CPEB4: variants seen among roughly 807,000 people sequenced by gnomAD.
The protein encoded by CPEB4 is cytoplasmic polyadenylation element-binding protein 4.
Under a neutral mutation model 72.5 loss-of-function variants are expected in CPEB4, and 12 were observed. That is an observed-to-expected ratio of 0.17 (90% confidence interval 0.11 to 0.27). CPEB4 has a LOEUF of 0.27. Ranked by LOEUF, CPEB4 falls within the 10% of genes least tolerant of loss-of-function variation. The pLI is 1.00. For synonymous variants in CPEB4, 302 were observed against 326.3 expected, an observed-to-expected ratio of 0.93 and a Z score of 0.80; for missense variants, 614 against 908.5, an observed-to-expected ratio of 0.68 and a Z score of 4.17.
intron 5 of CPEB4, among the ~76,000 whole-genome samples, chr5:173,945,373 A>G (rs1347037176): frequency 6.6e-6 from 1 of 152,242 alleles, no homozygotes; most frequent in Non-Finnish European, 1.5e-5. Context: ...AGGAGTAAAC[A>G]TCACTGGGAA....
intron 1 of CPEB4, among the ~76,000 whole-genome samples, chr5:173,895,663 A>C (rs1755979570): frequency 6.6e-6 from 1 of 152,204 alleles, no homozygotes; most frequent in African/African-American, 2.4e-5. Flanking sequence ...TCTTTGACTT[A>C]GAAGGGGAGA....
intron 2 of CPEB4, among the ~76,000 whole-genome samples, chr5:173,927,805 C>A (rs915299764): frequency 1.9e-4 from 29 of 152,050 alleles, no homozygotes; most frequent in African/African-American, 6.8e-4. Context: ...TTGAAAAAAT[C>A]CTTGAGAAAA....
Position 173,950,755 on chromosome 5 carries a change from G to T in CPEB4, c.1665+677G>T, listed in dbSNP as rs975269245. Among the ~76,000 whole-genome samples the T allele has an allele frequency of 1.3e-5, 2 of 152,068 alleles. No individual in the cohort carries two copies. Among genetic ancestry groups the T allele is most frequent in the Non-Finnish European group, 2.9e-5 (2 of 68,010 alleles). The stretch of plus-strand genomic sequence containing the variant: ...CTAGCGTTTTCCTCACTTTAATGAA[G>T]ATTTTACCCAATATTATCCTTAACT... On this transcript the variant is annotated intron_variant, in intron 7 of 9. Coordinates refer to ENST00000265085, the MANE Select transcript of CPEB4 (RefSeq NM_030627.4). The surrounding 1 kb of genome is among the most constrained non-coding windows in gnomAD (Gnocchi z 5.0).
At chr5:173,935,771 T>G (rs1757598830) in intron 3 of CPEB4, among the ~76,000 whole-genome samples, 1 of 4,656 alleles carries the variant, frequency 2.1e-4, no homozygotes, top group Admixed American at 3.2e-3. Context: ...ATTATAACAA[T>G]AATTAAAAGA....
At position 173,934,516 on chromosome 5, in the gene CPEB4, GACC is replaced by G. The variant is rs540526190; in HGVS notation, c.1258+2017_1258+2019del. On this transcript the variant is annotated intron_variant, in intron 3 of 9. Transcript: ENST00000265085. The stretch of plus-strand genomic sequence containing the variant: ...CATCTCTTGCTGGCTCCCCAAGCAA[GACC>G]CGGGAGTGTGGGGTTTACAGTTGCC... Among the ~76,000 whole-genome samples the G allele has an allele frequency of 3.0e-4, 46 of 152,306 alleles. 1 individual carries two copies. The South Asian group carries it at 9.1e-3, about 30-fold the overall frequency.
intron 2 of CPEB4, among the ~76,000 whole-genome samples, chr5:173,914,578 A>AT (rs1454022159): frequency 1.3e-4 from 20 of 152,166 alleles, no homozygotes; most frequent in African/African-American, 4.8e-4. Context: ...CAACATGGTG[A>AT]AACCCCATCT....
intron 1 of CPEB4, among the ~76,000 whole-genome samples, chr5:173,907,247 C>T (rs1419087348): frequency 1.3e-5 from 2 of 152,130 alleles, no homozygotes; most frequent in Non-Finnish European, 2.9e-5. Flanking sequence ...AGCCTGGCAA[C>T]AGAGCGAGAC....
In CPEB4 at chr5:173,945,111, T is replaced by C; in HGVS notation, c.1427T>C (p.Val476Ala). 6.2e-7 allele frequency: 1 copy of C among 1,614,032 alleles called. No homozygotes were observed. Among genetic ancestry groups the C allele is most frequent in the Non-Finnish European group, 8.5e-7 (1 of 1,179,896 alleles). The part of the protein sequence containing the change: ...RVERYSRKVF[V>A]GGLPPDIDED... ...GAACGATATTCTCGAAAGGTGTTTGTAGGCGGATTGCCTCCAGACATTGAT... is the reference window on the plus strand; with the variant it reads ...GAACGATATTCTCGAAAGGTGTTTGCAGGCGGATTGCCTCCAGACATTGAT... Residue 476 changes from valine to alanine, a missense_variant, in exon 5 of 10, where the codon GTA becomes GCA. Val to Ala is a moderately conservative substitution (Grantham distance 64, BLOSUM62 0). Transcript: ENST00000265085.
chr5:173,940,578 G>C (rs12187609), intron 3 of CPEB4, among the ~76,000 whole-genome samples: 15,547 of 152,066 alleles, frequency 0.1, 1,071 homozygotes, highest in Middle Eastern at 0.22. Context: ...TTAATGTCTG[G>C]GTTCTGGTTA....
chr5:173,955,374 A>ATTTTTTT lies in CPEB4; in HGVS notation c.1963-534_1963-533insTTTTTTT. ...TTTTTAACAGAGTTCCAGGTTTGTGATTATAACCCAACATGTGTACACTAT... is the reference window on the plus strand; with the variant it reads ...TTTTTAACAGAGTTCCAGGTTTGTGATTTTTTTTTATAACCCAACATGTGTACACTAT... On this transcript the variant is annotated intron_variant, in intron 9 of 9. Coordinates refer to ENST00000265085, the MANE Select transcript of CPEB4 (RefSeq NM_030627.4). This position sits in a 1 kb window ranked among gnomAD's most constrained non-coding sequence, Gnocchi z 4.7. 6.7e-6 allele frequency among the ~76,000 whole-genome samples: 1 copy of ATTTTTTT among 148,940 alleles called. No homozygotes were observed. The highest frequency in any genetic ancestry group is 1.5e-5 in the Non-Finnish European group (1 of 67,454).
intron 1 of CPEB4, among the ~76,000 whole-genome samples, chr5:173,896,888 C>G (rs2113129720): frequency 6.6e-6 from 1 of 152,218 alleles, no homozygotes; most frequent in Non-Finnish European, 1.5e-5. Flanking sequence ...TGGTCAGACC[C>G]CATCTCTAGA....
At chr5:173,902,537 A>G (rs1028205046) in intron 1 of CPEB4, among the ~76,000 whole-genome samples, 14 of 152,308 alleles carry the variant, frequency 9.2e-5, no homozygotes, top group African/African-American at 3.4e-4. Context: ...AGATGAGAAC[A>G]TTTAAACTCA....
In CPEB4 at chr5:173,956,347, A is replaced by G. The variant is rs1470331669; in HGVS notation, c.*210A>G. ...ATATGAACTCCTTTTTCGTATTGCC[A>G]TCGGGTTGCATGGAAGTTTTATTCT... is the stretch of plus-strand genomic sequence containing the variant. On this transcript the variant is annotated 3_prime_UTR_variant, in exon 10 of 10. Coordinates refer to ENST00000265085, the MANE Select transcript of CPEB4 (RefSeq NM_030627.4). 8.7e-6 allele frequency: 4 copies of G among 461,618 alleles called. No homozygotes were observed. The highest frequency in any genetic ancestry group is 5.9e-5 in the African/African-American group (3 of 50,650). 28.6% of individuals were successfully genotyped at this position (461,618 alleles called of 1,614,324 possible).
intron 2 of CPEB4, among the ~76,000 whole-genome samples, chr5:173,925,687 T>C (rs1023482342): frequency 3.3e-5 from 5 of 152,180 alleles, no homozygotes; most frequent in African/African-American, 1.2e-4. Flanking sequence ...GCTGCAAGTC[T>C]CAAGTGGAGT....
intron 2 of CPEB4, among the ~76,000 whole-genome samples, chr5:173,930,990 C>CAAAA (rs11322497): frequency 2.5e-5 from 2 of 80,092 alleles, no homozygotes; most frequent in African/African-American, 4.7e-5. Context: ...GACTCTGTCT[C>CAAAA]AAAAAAAAAA....
At chr5:173,910,126 C>T (rs1756593120) in intron 1 of CPEB4, among the ~76,000 whole-genome samples, 1 of 151,662 alleles carries the variant, frequency 6.6e-6, no homozygotes, top group Admixed American at 6.6e-5. Flanking sequence ...ACAGCACATA[C>T]AGGTACCAGT....
chr5:173,955,972 T>C lies in CPEB4; in HGVS notation c.2025T>C (p.Cys675=), dbSNP rs982563539. 7 of 1,614,094 alleles carry C rather than the reference T, an allele frequency of 4.3e-6. No individual in the cohort carries two copies. Among genetic ancestry groups the C allele is most frequent in the Non-Finnish European group, 5.1e-6 (6 of 1,179,990 alleles). The change falls in exon 10 of 10, where the codon TGT becomes TGC. Residue 675 remains cysteine, a synonymous_variant. Transcript: ENST00000265085. The surrounding 1 kb of genome is among the most constrained non-coding windows in gnomAD (Gnocchi z 4.7). The part of the protein sequence containing the change: ...QLCDECQGAR[C]GGKFAPFFCA... ...GTGATGAATGTCAGGGGGCCCGTTG[T>C]GGGGGGAAATTTGCTCCATTTTTCT...
intron 2 of CPEB4, among the ~76,000 whole-genome samples, chr5:173,912,839 C>T (rs35690902): frequency 3.4e-4 from 49 of 146,112 alleles, no homozygotes; most frequent in Admixed American, 9.0e-4. Flanking sequence ...TTACATGGGA[C>T]GCTGAGGCAG....
chr5:173,950,106 T>G lies in CPEB4; in HGVS notation c.1665+28T>G. The G allele has an allele frequency of 7.2e-7, 1 of 1,391,848 alleles. No individual in the cohort carries two copies. The highest frequency in any genetic ancestry group is 1.0e-6 in the Non-Finnish European group (1 of 997,082). The allele number at this position is 1,391,848 out of a possible 1,614,324, so 86.2% of individuals were successfully genotyped here. On this transcript the variant is annotated intron_variant, in intron 7 of 9. Transcript: ENST00000265085. The surrounding 1 kb of genome is among the most constrained non-coding windows in gnomAD (Gnocchi z 5.0). Reference sequence around the variant, plus strand: ...AAGTGTGGTTTAGCATAAAATAGCTTCTTGTTTTTGCCTCCATTCATCTGT... The same window carrying G: ...AAGTGTGGTTTAGCATAAAATAGCTGCTTGTTTTTGCCTCCATTCATCTGT...
Sources: allele counts gnomAD v4.1 joint callset (sites outside exome capture counted in the v4.1 genomes callset), GRCh38; gene constraint gnomAD v4.1.1; non-coding constraint Gnocchi (gnomAD v3.1); transcripts MANE v1.5; gene names NCBI Gene and HGNC (gene_info 2026-07-23, HGNC 2026-07-21).